Variants in TTC29 observed in about 807,000 individuals in gnomAD.
TTC29 encodes tetratricopeptide repeat protein 29.
Under a neutral mutation model 58.1 loss-of-function variants are expected in TTC29, and 49 were observed. That is an observed-to-expected ratio of 0.84 (90% CI 0.67 to 1.07). The LOEUF (loss-of-function observed/expected upper bound fraction) is 1.07, where lower values mean the gene tolerates loss of function less well. Ranked by LOEUF, TTC29 falls within the 50% of genes least tolerant of loss-of-function variation. TTC29 has a pLI of 0.00. For missense variants in TTC29, 582 were observed against 555.6 expected (o/e 1.05, Z -0.48); for synonymous variants, 209 against 196.8 (o/e 1.06, Z -0.52).
At chr4:146,912,850 T>C (rs2150289841) in intron 4 of TTC29, among the ~76,000 whole-genome samples, 1 of 151,980 alleles carries the variant, frequency 6.6e-6, no homozygotes, top group African/African-American at 2.4e-5. Flanking sequence ...TCAAAACATT[T>C]TAAGGAGACA....
chr4:146,903,819 A>G lies in TTC29; in HGVS notation c.401-90T>C, dbSNP rs1460248423. Reference sequence around the variant, plus strand: ...CGGCAAACCAATATCATGACTTCCTATTTTTCCTTAAAGATGTGATTACCA... The same window carrying G: ...CGGCAAACCAATATCATGACTTCCTGTTTTTCCTTAAAGATGTGATTACCA... On this transcript the variant is annotated intron_variant, in intron 5 of 12. Coordinates refer to ENST00000325106, the MANE Select transcript of TTC29 (RefSeq NM_031956.4). The G allele has an allele frequency of 7.2e-6, 7 of 974,844 alleles. No individual in the cohort carries two copies. The East Asian group carries it at 1.9e-4, about 27-fold the overall frequency. The allele number at this position is 974,844 out of a possible 1,614,324, so 60.4% of individuals were successfully genotyped here.
intron 9 of TTC29, among the ~76,000 whole-genome samples, chr4:146,829,761 A>C (rs1271657263): frequency 6.6e-6 from 1 of 152,208 alleles, no homozygotes; most frequent in East Asian, 1.9e-4. Flanking sequence ...AAAGTTTTCT[A>C]GGAAATAATT....
chr4:146,806,671 G>T (rs1347282876), intron 10 of TTC29, among the ~76,000 whole-genome samples: 5 of 151,078 alleles, frequency 3.3e-5, no homozygotes, highest in Non-Finnish European at 4.4e-5. Context: ...AGGGATCAAT[G>T]AAGCAAGAAG....
intron 9 of TTC29, among the ~76,000 whole-genome samples, chr4:146,821,977 T>C (rs1040067687): frequency 1.4e-5 from 2 of 140,736 alleles, no homozygotes; most frequent in African/African-American, 5.4e-5. Flanking sequence ...CGTAAGAACA[T>C]GTCTAGTGTT....
At position 146,809,419 on chromosome 4, in the gene TTC29, G is replaced by A. The variant is rs550123363; in HGVS notation, c.1102-5734C>T. ...AATTAAACTAAAGAGCTTCTGCACA[G>A]TAAAATAAACTATCATCAGAGTGAA... On this transcript the variant is annotated intron_variant, in intron 10 of 12. Transcript: ENST00000325106. 5.7e-4 allele frequency among the ~76,000 whole-genome samples: 85 copies of A among 150,138 alleles called. 2 individuals are homozygous for A. The highest frequency in any genetic ancestry group is 1.8e-3 in the African/African-American group (75 of 41,048).
At chr4:146,815,582 C>T (rs1751344114) in intron 10 of TTC29, among the ~76,000 whole-genome samples, 1 of 151,862 alleles carries the variant, frequency 6.6e-6, no homozygotes, top group Non-Finnish European at 1.5e-5. Flanking sequence ...AGCCATGGGC[C>T]TGGATGGGGC....
At chr4:146,717,876 C>CT (rs1384488861) in intron 11 of TTC29, among the ~76,000 whole-genome samples, 1 of 152,052 alleles carries the variant, frequency 6.6e-6, no homozygotes, top group African/African-American at 2.4e-5. Context: ...AGGCTTTGTA[C>CT]TTTTTTACCA....
At chr4:146,822,393 G>A (rs145083740) in intron 9 of TTC29, among the ~76,000 whole-genome samples, 126 of 152,248 alleles carry the variant, frequency 8.3e-4, no homozygotes, top group Non-Finnish European at 1.5e-3. Flanking sequence ...AGCTTCATCC[G>A]TGTCCCCACA....
At chr4:146,718,532 G>A (rs528191561) in intron 11 of TTC29, among the ~76,000 whole-genome samples, 1 of 152,180 alleles carries the variant, frequency 6.6e-6, no homozygotes, top group East Asian at 1.9e-4. Context: ...GTCTATTCAG[G>A]TCCCTAGCCT....
intron 11 of TTC29, among the ~76,000 whole-genome samples, chr4:146,777,703 C>T (rs1230096883): frequency 3.3e-5 from 5 of 152,126 alleles, no homozygotes; most frequent in Non-Finnish European, 7.3e-5. Context: ...CATGCCGACT[C>T]TGGCATGACT....
At chr4:146,862,607 T>C (rs144131288) in intron 8 of TTC29, among the ~76,000 whole-genome samples, 100 of 152,338 alleles carry the variant, frequency 6.6e-4, no homozygotes, top group Middle Eastern at 3.4e-3. Context: ...TCAAATGTTG[T>C]GCTTGGCTTC....
chr4:146,756,950 G>A (rs1170161715), intron 11 of TTC29, among the ~76,000 whole-genome samples: 1 of 151,668 alleles, frequency 6.6e-6, no homozygotes, highest in African/African-American at 2.4e-5. Context: ...ATTATTTTTT[G>A]GATTTCCTTG....
chr4:146,921,163 T>C (rs535330121), intron 4 of TTC29, among the ~76,000 whole-genome samples: 1 of 151,550 alleles, frequency 6.6e-6, no homozygotes, highest in South Asian at 2.1e-4. Flanking sequence ...TATATGTATA[T>C]GATAAACTTC....
intron 9 of TTC29, among the ~76,000 whole-genome samples, chr4:146,825,871 T>G (rs540918624): frequency 6.6e-6 from 1 of 152,338 alleles, no homozygotes; most frequent in South Asian, 2.1e-4. Context: ...CTTCTTTGTC[T>G]TTTTGGATCG....
chr4:146,824,554 G>T (rs535931301), intron 9 of TTC29, among the ~76,000 whole-genome samples: 1 of 122,350 alleles, frequency 8.2e-6, no homozygotes, highest in South Asian at 2.7e-4. Flanking sequence ...ATATTGGCCT[G>T]AAATTTTCTT....
intron 11 of TTC29, among the ~76,000 whole-genome samples, chr4:146,794,627 T>C (rs540863350): frequency 2.6e-5 from 4 of 152,184 alleles, no homozygotes; most frequent in African/African-American, 9.6e-5. Flanking sequence ...ACGTTAGTAT[T>C]AGAATTAAAA....
chr4:146,822,227 C>T (rs1561159708), intron 9 of TTC29, among the ~76,000 whole-genome samples: 1 of 151,926 alleles, frequency 6.6e-6, no homozygotes. Flanking sequence ...TCTAAGTTCC[C>T]TCCCCTCAAT....
intron 7 of TTC29, among the ~76,000 whole-genome samples, chr4:146,871,551 G>A (rs901000001): frequency 6.6e-6 from 1 of 151,824 alleles, no homozygotes; most frequent in African/African-American, 2.4e-5. Context: ...TAATAAATGA[G>A]TTTAACAAGG....
intron 7 of TTC29, among the ~76,000 whole-genome samples, chr4:146,870,167 G>T (rs1482534810): frequency 6.6e-6 from 1 of 152,030 alleles, no homozygotes; most frequent in East Asian, 1.9e-4. Flanking sequence ...TGAAAAGGTG[G>T]TATTCACAAT....
Sources: gnomAD v4.1 joint callset for allele counts (sites outside exome capture counted in the v4.1 genomes callset) on GRCh38, gnomAD v4.1.1 for gene constraint, MANE v1.5 for transcripts, NCBI Gene and HGNC (gene_info 2026-07-23, HGNC 2026-07-21) for gene names.